Variants in PACRG observed in about 807,000 individuals in gnomAD.
The protein encoded by PACRG is parkin coregulated gene protein.
In PACRG, 29 loss-of-function variants were observed where a neutral mutation model predicts 29.7. That is an observed-to-expected ratio of 0.98 (90% confidence interval 0.73 to 1.33). The LOEUF is 1.33. PACRG is among the 40% of genes most tolerant of loss of function. The pLI is 0.00. For missense variants in PACRG, 279 were observed against 316.2 expected (o/e 0.88, Z 0.89); for synonymous variants, 116 against 118.7 (o/e 0.98, Z 0.15).
intron 2 of PACRG, among the ~76,000 whole-genome samples, chr6:163,024,319 A>G (rs1416902361): frequency 1.3e-5 from 2 of 152,158 alleles, no homozygotes; most frequent in Middle Eastern, 3.2e-3. Flanking sequence ...AGCATTATTT[A>G]TTGAATAGAT....
At chr6:162,915,132 A>G (rs1796614886) in intron 2 of PACRG, among the ~76,000 whole-genome samples, 1 of 152,060 alleles carries the variant, frequency 6.6e-6, no homozygotes, top group South Asian at 2.1e-4. Context: ...ACCATTAAGT[A>G]TGATATTGGC....
chr6:162,852,005 G>GGAAGGAAGGAAGGAAGGA (rs1562663902), intron 2 of PACRG, among the ~76,000 whole-genome samples: 17 of 116,110 alleles, frequency 1.5e-4, no homozygotes, highest in African/African-American at 5.8e-4. Context: ...GGGAGGGAGG[G>GGAAGGAAGGAAGGAAGGA]AGGAAGGAAG....
intron 4 of PACRG, among the ~76,000 whole-genome samples, chr6:163,096,943 A>G (rs1814647883): frequency 1.3e-5 from 2 of 152,200 alleles, no homozygotes; most frequent in Admixed American, 6.5e-5. Context: ...TGCAAAGTTC[A>G]TTTTCTAGAT....
chr6:162,937,003 G>C (rs891229525), intron 2 of PACRG, among the ~76,000 whole-genome samples: 2 of 152,150 alleles, frequency 1.3e-5, no homozygotes, highest in African/African-American at 2.4e-5. Context: ...ATGAGAACGA[G>C]ATAAATGAGT....
intron 1 of PACRG, among the ~76,000 whole-genome samples, chr6:162,749,307 G>T (rs1781335397): frequency 6.6e-6 from 1 of 152,284 alleles, no homozygotes; most frequent in Non-Finnish European, 1.5e-5. Flanking sequence ...TGCACCGACT[G>T]TCAAGAAGGT....
At chr6:162,965,865 G>A (rs1354420932) in intron 2 of PACRG, among the ~76,000 whole-genome samples, 1 of 152,228 alleles carries the variant, frequency 6.6e-6, no homozygotes, top group Non-Finnish European at 1.5e-5. Context: ...GGAAGCAAAA[G>A]CAGCTGATGA....
intron 4 of PACRG, among the ~76,000 whole-genome samples, chr6:163,176,829 A>G (rs1327773588): frequency 2.0e-5 from 3 of 152,236 alleles, no homozygotes; most frequent in African/African-American, 7.2e-5. Context: ...TTGCAGCCGA[A>G]GTTGCATGGA....
intron 2 of PACRG, among the ~76,000 whole-genome samples, chr6:163,052,915 C>A (rs1810169782): frequency 6.6e-6 from 1 of 152,066 alleles, no homozygotes; most frequent in Admixed American, 6.5e-5. Flanking sequence ...AGTTATAAAA[C>A]ATGAATTTTA....
chr6:163,249,015 CAAA>C (rs57866351), intron 4 of PACRG, among the ~76,000 whole-genome samples: 13,858 of 106,966 alleles, frequency 0.13, 492 homozygotes, highest in Middle Eastern at 0.2. Flanking sequence ...GACTCTGTCT[CAAA>C]AAAAAAAAAA....
chr6:163,049,329 A>G (rs1346262498), intron 2 of PACRG, among the ~76,000 whole-genome samples: 1 of 152,130 alleles, frequency 6.6e-6, no homozygotes, highest in African/African-American at 2.4e-5. Flanking sequence ...TACATTTTAT[A>G]CCAGGAAAAG....
intron 4 of PACRG, among the ~76,000 whole-genome samples, chr6:163,274,861 C>CTTTTTTTTTTTTTTTTTTTT (rs58333018): frequency 7.9e-6 from 1 of 126,322 alleles, no homozygotes. Flanking sequence ...TTCTTTCTTT[C>CTTTTTTTTTTTTTTTTTTTT]TTTTTTTTTT....
At chr6:163,143,630 T>A (rs1001982262) in intron 4 of PACRG, among the ~76,000 whole-genome samples, 92 of 152,194 alleles carry the variant, frequency 6.0e-4, no homozygotes, top group African/African-American at 2.2e-3. Context: ...ACATATACAG[T>A]TGTTAAATCA....
chr6:163,125,700 A>G (rs1026833708), intron 4 of PACRG, among the ~76,000 whole-genome samples: 1 of 152,248 alleles, frequency 6.6e-6, no homozygotes, highest in Admixed American at 6.5e-5. Context: ...GGAAATGGAC[A>G]TTCTTGTTAA....
intron 4 of PACRG, among the ~76,000 whole-genome samples, chr6:163,116,588 G>T (rs1816006080): frequency 6.6e-6 from 1 of 152,154 alleles, no homozygotes; most frequent in African/African-American, 2.4e-5. Flanking sequence ...TGACGGAAAT[G>T]AAAATGTTAG....
chr6:162,790,607 C>T (rs6455849), intron 1 of PACRG, among the ~76,000 whole-genome samples: 351 of 152,230 alleles, frequency 2.3e-3, no homozygotes, highest in African/African-American at 7.9e-3. Flanking sequence ...ATTAATCACC[C>T]GTACTGCCCT....
chr6:163,027,920 A>G (rs1486735940), intron 2 of PACRG, among the ~76,000 whole-genome samples: 2 of 152,174 alleles, frequency 1.3e-5, no homozygotes, highest in African/African-American at 4.8e-5. Flanking sequence ...GGACTCTCCC[A>G]CACTGTCCCC....
chr6:162,997,568 A>G (rs1804186587), intron 2 of PACRG: 1 of 350,122 alleles, frequency 2.9e-6, no homozygotes, highest in African/African-American at 2.2e-5. Flanking sequence ...TTCATAACAG[A>G]CTTCATAAAA....
chr6:162,734,648 A>G (rs1356410619), intron 1 of PACRG, among the ~76,000 whole-genome samples: 1 of 152,212 alleles, frequency 6.6e-6, no homozygotes, highest in Non-Finnish European at 1.5e-5. Context: ...AAGGCAGAGT[A>G]GACTGTGTTT....
At chr6:162,795,108 C>A (rs920978658) in intron 1 of PACRG, among the ~76,000 whole-genome samples, 4 of 151,456 alleles carry the variant, frequency 2.6e-5, no homozygotes, top group African/African-American at 9.7e-5. Context: ...AAGAACACTC[C>A]AGGCAGACAC....
Sources: allele counts gnomAD v4.1 joint callset (sites outside exome capture counted in the v4.1 genomes callset), GRCh38; gene constraint gnomAD v4.1.1; transcripts MANE v1.5; gene names NCBI Gene and HGNC (gene_info 2026-07-23, HGNC 2026-07-21).